Variants in NIN observed in about 807,000 individuals in gnomAD.
The protein encoded by NIN is ninein.
In NIN, 137 loss-of-function variants were observed where a neutral mutation model predicts 257.6. The ratio of observed to expected loss-of-function variants is 0.53; its 90% CI spans 0.46 to 0.61. The LOEUF (loss-of-function observed/expected upper bound fraction) is 0.61. Among genes scored for constraint, NIN ranks in the 20% least tolerant of loss-of-function variants. NIN has a pLI of 0.00. For synonymous variants in NIN, 918 were observed against 919.8 expected, an observed-to-expected ratio of 1.00 and a Z score of 0.04; for missense variants, 2,439 against 2,501.2, an observed-to-expected ratio of 0.98 and a Z score of 0.53.
In NIN at chr14:50,778,801, A is replaced by T; in HGVS notation, c.439T>A (p.Trp147Arg). 1 of 1,614,072 alleles carries T rather than the reference A, an allele frequency of 6.2e-7. No homozygotes were observed. Among genetic ancestry groups the T allele is most frequent in the South Asian group, 1.1e-5 (1 of 91,084 alleles). Residue 147 changes from tryptophan to arginine, a missense_variant, in exon 6 of 31, where the codon TGG (tryptophan) becomes AGG (arginine). By Grantham distance (101) the Trp-to-Arg change is moderately radical (BLOSUM62 -3). This residue lies in a region of NIN where 387 missense variants were observed against 427.3 expected (regional missense o/e 0.91). Coordinates refer to ENST00000530997, the MANE Select transcript of NIN (RefSeq NM_020921.4). ...HIPAGDCSEHWKTQRSEEYEA... is the reference protein window; with the variant it reads ...HIPAGDCSEHRKTQRSEEYEA... ...TACTCCTCACTGCGTTGCGTCTTCC[A>T]GTGCTAGAGAAGGCAAGAGAAGATT...
chr14:50,770,585 A>T (rs1362797181), intron 11 of NIN, 23 bp from the exon 12 acceptor site: 2 of 1,611,336 alleles, frequency 1.2e-6, no homozygotes, highest in Admixed American at 3.4e-5. Flanking sequence ...AAAATGGACA[A>T]GCTGCCATCA....
intron 23 of NIN, 120 bp downstream of exon 23, chr14:50,744,123 T>TC: frequency 9.2e-7 from 1 of 1,085,500 alleles, no homozygotes; most frequent in Non-Finnish European, 1.3e-6. Flanking sequence ...GAAATGCTGC[T>TC]CCAGGACACT....
At chr14:50,747,301 A>T (rs1331011662) in intron 22 of NIN, among the ~76,000 whole-genome samples, 2 of 152,112 alleles carry the variant, frequency 1.3e-5, no homozygotes, top group African/African-American at 4.8e-5. Context: ...CTCACAAATC[A>T]GTGTGAACAG....
intron 15 of NIN, among the ~76,000 whole-genome samples, chr14:50,763,420 A>T (rs7146900): frequency 0.98 from 149,370 of 152,362 alleles, 73,288 homozygotes; most frequent in South Asian, 1. Context: ...ATTCTGTAGT[A>T]TCTGGCTGGC....
Position 50,723,556 on chromosome 14 carries a change from A to G in NIN, c.6309T>C (p.Asn2103=), listed in dbSNP as rs2040310029. 6.2e-7 allele frequency: 1 copy of G among 1,613,772 alleles called. No individual in the cohort carries two copies. Among genetic ancestry groups the G allele is most frequent in the East Asian group, 2.2e-5 (1 of 44,864 alleles). ...EQRQKTAEKK[N]YLLEEKIASL... The stretch of plus-strand genomic sequence containing the variant: ...TGGCAATCTTCTCCTCCAGGAGGTA[A>G]TTTTTCTTCTCTGCTGTTTTCTGTC... The change falls in exon 31 of 31, where the codon AAT becomes AAC. Residue 2103 remains asparagine, a synonymous_variant. Transcript: ENST00000530997.
chr14:50,763,573 A>G (rs959835763), intron 15 of NIN, among the ~76,000 whole-genome samples: 5 of 152,228 alleles, frequency 3.3e-5, no homozygotes, highest in Non-Finnish European at 5.9e-5. Context: ...TAACAAAGCA[A>G]ATACCCTTGT....
chr14:50,741,798 T>C, intron 24 of NIN, 70 bp from the exon 25 acceptor site: 1 of 1,526,768 alleles, frequency 6.5e-7, no homozygotes, highest in Non-Finnish European at 8.8e-7. Flanking sequence ...TGTTCAGGAA[T>C]GAATAAGGAC....
chr14:50,753,030 C>G (rs1486672562), intron 20 of NIN, among the ~76,000 whole-genome samples: 1 of 152,206 alleles, frequency 6.6e-6, no homozygotes, highest in African/African-American at 2.4e-5. Context: ...TACACACATA[C>G]AGATTCTTTT....
chr14:50,829,835 G>C (rs2045619477), intron 2 of NIN, among the ~76,000 whole-genome samples: 1 of 152,160 alleles, frequency 6.6e-6, no homozygotes, highest in Non-Finnish European at 1.5e-5. Context: ...AGCAGTGACT[G>C]TTCCCATCAC....
intron 28 of NIN, among the ~76,000 whole-genome samples, chr14:50,733,610 C>A (rs1230651324): frequency 2.0e-5 from 3 of 152,108 alleles, no homozygotes; most frequent in African/African-American, 7.2e-5. Flanking sequence ...TTAATGGGTG[C>A]TGGGTAAAAC....
chr14:50,726,148 A>C, intron 29 of NIN, 82 bp from the exon 30 acceptor site: 1 of 1,059,042 alleles, frequency 9.4e-7, no homozygotes, highest in Non-Finnish European at 1.4e-6. Context: ...ATGCCTAGAG[A>C]AAGGACAGCA....
chr14:50,758,315 C>T lies in NIN; in HGVS notation c.2715G>A (p.Leu905=), dbSNP rs760693994. Residue 905 remains leucine, a synonymous_variant, in exon 18 of 31, where the codon TTG becomes TTA. Coordinates refer to ENST00000530997, the MANE Select transcript of NIN (RefSeq NM_020921.4). The stretch of plus-strand genomic sequence containing the variant: ...GCTGTCTCTCGACGACCATGCTGTT[C>T]AAATGTTCTTTGTATGTTTTCTCCA... The part of the protein sequence containing the change: ...EMLEKTYKEH[L]NSMVVERQQL... 11 of 1,614,208 alleles carry T rather than the reference C, an allele frequency of 6.8e-6. No homozygotes were observed. The South Asian group carries it at 1.1e-4, about 16-fold the overall frequency.
chr14:50,803,430 G>A (rs1789250437), intron 4 of NIN, among the ~76,000 whole-genome samples: 1 of 152,186 alleles, frequency 6.6e-6, no homozygotes, highest in South Asian at 2.1e-4. Context: ...AAATAATGCA[G>A]AGGACACAGG....
At chr14:50,756,469 C>A (rs375320860) in intron 18 of NIN, 23 bp downstream of exon 18, 3 of 1,559,354 alleles carry the variant, frequency 1.9e-6, no homozygotes, top group Non-Finnish European at 2.6e-6. Flanking sequence ...GGATTCGTGA[C>A]GTCTAGAAGG....
rs982310048 is a variant in NIN, at chr14:50,760,303, C to A, written c.1953G>T (p.Gln651His). The A allele has an allele frequency of 6.2e-7, 1 of 1,608,484 alleles. No homozygotes were observed. The highest frequency in any genetic ancestry group is 1.3e-5 in the African/African-American group (1 of 74,904). The change falls in exon 17 of 31, where the codon CAG (glutamine) becomes CAT (histidine). Residue 651 changes from glutamine to histidine, a missense_variant. Around this residue, in one of 3 missense-constraint regions of NIN, gnomAD observed 2,043 missense variants for 2,050.2 expected, o/e 1.00. Transcript: ENST00000530997. ...DETVVSCKKAQENMKQRHENE... is the reference protein window; with the variant it reads ...DETVVSCKKAHENMKQRHENE... Reference sequence around the variant, plus strand: ...TCTCATGCCTTTGCTTCATGTTCTCCTGTGCCTTCTTGCAGCTGACCACGG... The same window carrying A: ...TCTCATGCCTTTGCTTCATGTTCTCATGTGCCTTCTTGCAGCTGACCACGG...
At position 50,754,819 on chromosome 14, in the gene NIN, T is replaced by C; in HGVS notation, c.4587A>G (p.Glu1529=). The part of the protein sequence containing the change: ...LQQENSILRN[E]ITTLNEEDSI... The stretch of plus-strand genomic sequence containing the variant: ...TATCTTCTTCATTTAAAGTAGTAAT[T>C]TCATTTCTCAAAATAGAATTTTCCT... Residue 1529 remains glutamate, a synonymous_variant, in exon 19 of 31, where the codon GAA becomes GAG. Coordinates refer to ENST00000530997, the MANE Select transcript of NIN (RefSeq NM_020921.4). 1 of 1,584,132 alleles carries C rather than the reference T, an allele frequency of 6.3e-7. No individual in the cohort carries two copies. Among genetic ancestry groups the C allele is most frequent in the Non-Finnish European group, 8.6e-7 (1 of 1,166,706 alleles).
intron 4 of NIN, 53 bp from the exon 5 acceptor site, chr14:50,792,934 A>G (rs945585379): frequency 1.9e-6 from 3 of 1,580,674 alleles, no homozygotes; most frequent in Non-Finnish European, 2.6e-6. Context: ...CTCAGTTCTT[A>G]GCTGCCACTC....
chr14:50,736,801 A>G (rs1309454006), intron 27 of NIN, among the ~76,000 whole-genome samples: 1 of 152,200 alleles, frequency 6.6e-6, no homozygotes, highest in Non-Finnish European at 1.5e-5. Flanking sequence ...AAAAACAAAA[A>G]TTTTATGAAT....
At chr14:50,765,388 C>T (rs972247019) in intron 14 of NIN, among the ~76,000 whole-genome samples, 4 of 152,102 alleles carry the variant, frequency 2.6e-5, no homozygotes, top group Non-Finnish European at 5.9e-5. Context: ...ATTATAAAAG[C>T]AGTAGAAATG....
Sources: allele counts gnomAD v4.1 joint callset (sites outside exome capture counted in the v4.1 genomes callset), GRCh38; gene constraint gnomAD v4.1.1; regional missense constraint gnomAD v4.1.1; transcripts MANE v1.5; gene names NCBI Gene and HGNC (gene_info 2026-07-23, HGNC 2026-07-21).